The following TEX9 variants were observed in gnomAD, a reference collection of about 807,000 sequenced individuals.
TEX9 encodes testis expressed 9.
A neutral mutation model predicts 59.6 loss-of-function variants in TEX9; 74 were observed. The observed-to-expected ratio is 1.24, with a 90% CI of 1.03 to 1.51. The LOEUF is 1.51. Ranked by LOEUF, TEX9 falls within the 40% of genes most tolerant of loss-of-function variation. The pLI is 0.00. For missense variants in TEX9, 522 were observed against 447.8 expected, an observed-to-expected ratio of 1.17 and a Z score of -1.49; for synonymous variants, 186 against 152.2, an observed-to-expected ratio of 1.22 and a Z score of -1.64.
chr15:56,307,752 G>C (rs1249837284), intron 1 of TEX9, among the ~76,000 whole-genome samples: 1 of 152,088 alleles, frequency 6.6e-6, no homozygotes, highest in African/African-American at 2.4e-5. Flanking sequence ...CCTGCCCCCA[G>C]TCTCTGAGTC....
intron 1 of TEX9, among the ~76,000 whole-genome samples, chr15:56,356,473 C>T (rs1370303979): frequency 6.6e-6 from 1 of 152,000 alleles, no homozygotes; most frequent in African/African-American, 2.4e-5. Flanking sequence ...CAAAATACTC[C>T]ACTAGTGTTT....
chr15:56,331,846 G>A (rs2046152427), intron 1 of TEX9, among the ~76,000 whole-genome samples: 1 of 149,736 alleles, frequency 6.7e-6, no homozygotes, highest in Non-Finnish European at 1.5e-5. Context: ...AGACATTTAT[G>A]CAGCCAAAAA....
chr15:56,338,484 G>A (rs1217323767), intron 1 of TEX9, among the ~76,000 whole-genome samples: 1 of 152,188 alleles, frequency 6.6e-6, no homozygotes, highest in South Asian at 2.1e-4. Context: ...TTGTACAACA[G>A]CTCACTTGGT....
intron 2 of TEX9, 118 bp downstream of exon 2, chr15:56,365,788 C>T: frequency 6.7e-7 from 1 of 1,482,602 alleles, no homozygotes; most frequent in Non-Finnish European, 8.9e-7. Context: ...GCAGCATTCC[C>T]TTCTCGTCAT....
intron 5 of TEX9, among the ~76,000 whole-genome samples, chr15:56,388,769 T>G (rs987075222): frequency 7.9e-5 from 12 of 151,994 alleles, no homozygotes; most frequent in African/African-American, 2.9e-4. Context: ...CTTTGTAAAC[T>G]GAGGCTTATT....
At position 56,391,276 on chromosome 15, in the gene TEX9, C is replaced by T. The variant is rs770440582; in HGVS notation, c.429C>T (p.Ala143=). Residue 143 remains alanine, a synonymous_variant, in exon 7 of 13, where the codon GCC becomes GCT. Transcript: ENST00000352903. ...TGAAATACTCTGATGTCCAAACTGC[C>T]GACGATGTTGCCATTCCAGAGGATT... is the stretch of plus-strand genomic sequence containing the variant. 60 of 1,579,932 alleles carry T rather than the reference C, an allele frequency of 3.8e-5. 1 individual carries two copies. The highest frequency in any genetic ancestry group is 1.5e-4 in the South Asian group (13 of 84,262).
chr15:56,426,589 G>GTATA (rs71110391), intron 10 of TEX9, among the ~76,000 whole-genome samples: 487 of 24,162 alleles, frequency 0.02, 19 homozygotes, highest in Non-Finnish European at 0.038. Flanking sequence ...TTGAAAAGGT[G>GTATA]TATATATATA....
At chr15:56,316,933 C>A (rs1264763292) in intron 1 of TEX9, among the ~76,000 whole-genome samples, 1 of 152,226 alleles carries the variant, frequency 6.6e-6, no homozygotes, top group Non-Finnish European at 1.5e-5. Flanking sequence ...TCCGTCACCC[C>A]TTTCTTTGAC....
At chr15:56,365,436 T>A (rs754079064) in exon 1 of TEX9, 5 of 1,609,316 alleles carry the variant, frequency 3.1e-6, no homozygotes, top group South Asian at 2.2e-5. Flanking sequence ...GGTAACCGCG[T>A]CGCAGTCGCC....
intron 1 of TEX9, among the ~76,000 whole-genome samples, chr15:56,283,883 A>T (rs1383189009): frequency 6.6e-6 from 1 of 152,218 alleles, no homozygotes; most frequent in African/African-American, 2.4e-5. Flanking sequence ...ATACAAAGGG[A>T]TGAATTCACA....
intron 1 of TEX9, among the ~76,000 whole-genome samples, chr15:56,297,169 C>T (rs1206012249): frequency 6.6e-6 from 1 of 152,134 alleles, no homozygotes; most frequent in Non-Finnish European, 1.5e-5. Flanking sequence ...ATTATGTTGA[C>T]TTGGAATGTA....
chr15:56,374,337 C>T (rs1037233851), intron 3 of TEX9: 1 of 151,952 alleles, frequency 6.6e-6, no homozygotes, highest in Non-Finnish European at 1.5e-5. Context: ...GGATTCCTAC[C>T]CCTGCAGAAG....
At chr15:56,302,661 CA>C (rs2045390737) in intron 1 of TEX9, among the ~76,000 whole-genome samples, 4 of 152,012 alleles carry the variant, frequency 2.6e-5, no homozygotes, top group Admixed American at 2.6e-4. Context: ...GACTACAAAA[CA>C]ACCAGATAAC....
In TEX9 at chr15:56,377,533, A is replaced by G. The variant is rs528572119; in HGVS notation, c.183+4029A>G. 3.8e-4 allele frequency among the ~76,000 whole-genome samples: 57 copies of G among 151,632 alleles called. No individual in the cohort carries two copies. In the South Asian group the frequency reaches 0.012, roughly 31 times the overall value. ...CTACTGTAAATGGGATTACTTTTTTATTTATTTTTTAGATTGTTGACATAC... is the reference window on the plus strand; with the variant it reads ...CTACTGTAAATGGGATTACTTTTTTGTTTATTTTTTAGATTGTTGACATAC... On this transcript the variant is annotated intron_variant, in intron 3 of 12. Transcript: ENST00000352903.
chr15:56,434,301 T>A, intron 12 of TEX9: 1 of 1,613,956 alleles, frequency 6.2e-7, no homozygotes, highest in Non-Finnish European at 8.5e-7. Context: ...CTCTTCCTCT[T>A]TTGCAGCCTG....
intron 5 of TEX9, 140 bp from the exon 6 acceptor site, chr15:56,389,178 G>A: frequency 1.4e-6 from 1 of 705,062 alleles, no homozygotes. Context: ...TGATATTCTT[G>A]AAAACACATT....
intron 1 of TEX9, among the ~76,000 whole-genome samples, chr15:56,254,502 G>A (rs1156838894): frequency 2.0e-5 from 3 of 151,548 alleles, no homozygotes; most frequent in Non-Finnish European, 2.9e-5. Flanking sequence ...AGGAGGCACA[G>A]GGAGGCTCCT....
upstream of TEX9, among the ~76,000 whole-genome samples, chr15:56,365,079 A>C (rs1294808700): frequency 6.6e-6 from 1 of 152,250 alleles, no homozygotes; most frequent in Non-Finnish European, 1.5e-5. Context: ...CACTTTAAGC[A>C]AACGGGGTGA....
intron 1 of TEX9, among the ~76,000 whole-genome samples, chr15:56,319,691 A>G (rs576867478): frequency 1.3e-5 from 2 of 152,306 alleles, no homozygotes; most frequent in South Asian, 4.1e-4. Context: ...TGAGAGAGTC[A>G]GCAGGTAAGA....
Sources: allele counts gnomAD v4.1 joint callset (sites outside exome capture counted in the v4.1 genomes callset), GRCh38; gene constraint gnomAD v4.1.1; transcripts MANE v1.5; gene names NCBI Gene and HGNC (gene_info 2026-07-23, HGNC 2026-07-21).